ADAMTS17: variants seen among roughly 807,000 people sequenced by gnomAD.
ADAMTS17 encodes A disintegrin and metalloproteinase with thrombospondin motifs 17.
In ADAMTS17, 113 loss-of-function variants were observed where a neutral mutation model predicts 141.5. That is an observed-to-expected ratio of 0.80 (90% CI 0.69 to 0.93). The LOEUF is 0.93. Among genes scored for constraint, ADAMTS17 ranks in the 40% least tolerant of loss-of-function variants. ADAMTS17 has a pLI of 0.00. For missense variants in ADAMTS17, 1,659 were observed against 1,517.9 expected (o/e 1.09, Z -1.54); for synonymous variants, 768 against 630.6 (o/e 1.22, Z -3.27).
intron 12 of ADAMTS17, among the ~76,000 whole-genome samples, chr15:100,127,068 A>G (rs1385705022): frequency 6.6e-6 from 1 of 152,160 alleles, no homozygotes; most frequent in Non-Finnish European, 1.5e-5. Context: ...AAGGAAAGGG[A>G]AGACAGCACT....
chr15:100,079,369 T>TA (rs2034585346), intron 15 of ADAMTS17, among the ~76,000 whole-genome samples: 1 of 152,198 alleles, frequency 6.6e-6, no homozygotes, highest in Non-Finnish European at 1.5e-5. Context: ...TATTTGGCAA[T>TA]AAAAAGAAAC....
chr15:100,014,099 T>C (rs1393570521), intron 18 of ADAMTS17, among the ~76,000 whole-genome samples: 3 of 152,192 alleles, frequency 2.0e-5, no homozygotes, highest in Non-Finnish European at 4.4e-5. Flanking sequence ...CAATTCTTCC[T>C]GATTTAAGCT....
intron 8 of ADAMTS17, among the ~76,000 whole-genome samples, chr15:100,171,579 A>T (rs1227799686): frequency 6.6e-6 from 1 of 152,136 alleles, no homozygotes; most frequent in Non-Finnish European, 1.5e-5. Context: ...TGGCGGGCCC[A>T]GCTTGCAGGT....
At chr15:100,111,726 T>A (rs2036794889) in intron 13 of ADAMTS17, among the ~76,000 whole-genome samples, 1 of 152,232 alleles carries the variant, frequency 6.6e-6, no homozygotes, top group South Asian at 2.1e-4. Flanking sequence ...GCTGCAGTAG[T>A]AAGGATGATG....
At chr15:100,047,822 C>G (rs547492041) in intron 18 of ADAMTS17, among the ~76,000 whole-genome samples, 2 of 152,126 alleles carry the variant, frequency 1.3e-5, no homozygotes, top group Admixed American at 1.3e-4. Context: ...ATGGACTGAT[C>G]GATAGGTTCG....
chr15:100,240,734 G>A (rs938222517), intron 7 of ADAMTS17, among the ~76,000 whole-genome samples: 5 of 152,098 alleles, frequency 3.3e-5, no homozygotes, highest in Admixed American at 2.0e-4. Context: ...GTCAAGACGC[G>A]GTATAAGGCC....
chr15:100,240,642 A>G (rs1038323930), intron 7 of ADAMTS17, among the ~76,000 whole-genome samples: 3 of 152,074 alleles, frequency 2.0e-5, no homozygotes, highest in Non-Finnish European at 4.4e-5. Context: ...CAGTTCCCCC[A>G]CAGCTGACCT....
intron 8 of ADAMTS17, among the ~76,000 whole-genome samples, chr15:100,184,253 T>C (rs1482890084): frequency 6.6e-6 from 1 of 151,294 alleles, no homozygotes; most frequent in East Asian, 2.0e-4. Flanking sequence ...GTTCTTGGGT[T>C]TTATGTCTAA....
intron 10 of ADAMTS17, among the ~76,000 whole-genome samples, chr15:100,141,094 C>T (rs2038625416): frequency 6.6e-6 from 1 of 152,228 alleles, no homozygotes; most frequent in Non-Finnish European, 1.5e-5. Context: ...AATGAAACAG[C>T]TCTCTGGTTC....
Position 100,109,016 on chromosome 15 carries a change from A to G in ADAMTS17, c.1989T>C (p.Thr663=), listed in dbSNP as rs146267423. The change falls in exon 14 of 22, where the codon ACT becomes ACC. Residue 663 remains threonine (T), a synonymous_variant. Transcript: ENST00000268070. ...LDGTPCGPYE[T]DLCVHGKCQK... ...GGCACTTGCCGTGCACGCAGAGATC[A>G]GTCTCGTAGGGCCCGCAGGGTGTAC... 9.2e-5 allele frequency: 148 copies of G among 1,614,104 alleles called. No individual in the cohort carries two copies. In the African/African-American group the frequency reaches 1.9e-3, roughly 20 times the overall value.
At chr15:100,247,863 C>G (rs375414746) in intron 7 of ADAMTS17, among the ~76,000 whole-genome samples, 1 of 152,120 alleles carries the variant, frequency 6.6e-6, no homozygotes, top group African/African-American at 2.4e-5. Context: ...CCAAACACCA[C>G]CGTCCTGGCC....
chr15:100,081,150 G>C (rs2034709585), intron 15 of ADAMTS17, among the ~76,000 whole-genome samples: 1 of 152,158 alleles, frequency 6.6e-6, no homozygotes, highest in Non-Finnish European at 1.5e-5. Flanking sequence ...ATACAAAGCA[G>C]GCAGAAAAAC....
chr15:99,987,028 A>G (rs1032924671), intron 20 of ADAMTS17, among the ~76,000 whole-genome samples: 1 of 152,146 alleles, frequency 6.6e-6, no homozygotes, highest in Admixed American at 6.5e-5. Flanking sequence ...AGGGGCAGGG[A>G]GAGAGGGGCT....
intron 6 of ADAMTS17, 69 bp downstream of exon 6, chr15:100,261,410 C>T (rs964171774): frequency 5.6e-6 from 9 of 1,606,484 alleles, no homozygotes; most frequent in Non-Finnish European, 7.7e-6. Context: ...AACAACATGC[C>T]TATTTCCTCT....
intron 18 of ADAMTS17, among the ~76,000 whole-genome samples, chr15:100,022,174 C>T (rs764947161): frequency 2.0e-5 from 3 of 152,144 alleles, no homozygotes; most frequent in Admixed American, 6.5e-5. Flanking sequence ...AACGATTGAT[C>T]CTATATGGTC....
chr15:100,200,230 G>A (rs2041273659), intron 7 of ADAMTS17, among the ~76,000 whole-genome samples: 1 of 152,222 alleles, frequency 6.6e-6, no homozygotes, highest in Non-Finnish European at 1.5e-5. Context: ...GCATCCCAAG[G>A]ATGGGTGGTG....
At chr15:100,288,312 G>C (rs114897499) in intron 3 of ADAMTS17, among the ~76,000 whole-genome samples, 12,805 of 152,198 alleles carry the variant, frequency 0.084, 586 homozygotes, top group African/African-American at 0.11. Context: ...AATTCAACAA[G>C]AACACTTAAC....
At chr15:100,184,498 G>A (rs1007696213) in intron 8 of ADAMTS17, among the ~76,000 whole-genome samples, 2 of 152,292 alleles carry the variant, frequency 1.3e-5, no homozygotes, top group Non-Finnish European at 2.9e-5. Flanking sequence ...TTACCTTTAC[G>A]TTTTTCTGAG....
At chr15:100,133,093 T>C (rs1214269018) in intron 11 of ADAMTS17, 121 bp downstream of exon 11, 3 of 958,898 alleles carry the variant, frequency 3.1e-6, no homozygotes, top group Admixed American at 2.2e-5. Context: ...GGCATTTCTG[T>C]GCCGCCTGGG....
Sources: gnomAD v4.1 joint callset for allele counts (sites outside exome capture counted in the v4.1 genomes callset) on GRCh38, gnomAD v4.1.1 for gene constraint, MANE v1.5 for transcripts, NCBI Gene and HGNC (gene_info 2026-07-23, HGNC 2026-07-21) for gene names.